Variants in LSAMP observed in about 807,000 individuals in gnomAD.
LSAMP encodes the protein limbic system associated membrane protein, also known as limbic system-associated membrane protein.
A neutral mutation model predicts 38.6 loss-of-function variants in LSAMP; 7 were observed. The observed-to-expected ratio is 0.18, with a 90% confidence interval of 0.10 to 0.34. The LOEUF (loss-of-function observed/expected upper bound fraction) is 0.34. Ranked by LOEUF, LSAMP falls within the 10% of genes least tolerant of loss-of-function variation. The probability of loss-of-function intolerance (pLI) is 1.00; values close to 1 mark genes in which losing one functional copy is unlikely to be tolerated. For synonymous variants in LSAMP, 154 were observed against 166.8 expected (o/e 0.92, Z 0.59); for missense variants, 313 against 420.0 (o/e 0.75, Z 2.23).
rs10530643 is a variant in LSAMP at position 116,273,707 on chromosome 3, TAC to T, written c.155+171168_155+171169del. On this transcript the variant is annotated intron_variant, in intron 1 of 6. Coordinates refer to ENST00000490035, the MANE Select transcript of LSAMP (RefSeq NM_002338.5). The stretch of plus-strand genomic sequence containing the variant: ...GCATATATATATATATATATATATA[TAC>T]ACACACACACACACGTATATATGTA... Among the ~76,000 whole-genome samples, 58 of 102,568 alleles carry T rather than the reference TAC, an allele frequency of 5.7e-4. 1 individual carries two copies. The highest frequency in any genetic ancestry group is 1.7e-3 in the African/African-American group (36 of 21,238). 67.3% of individuals were successfully genotyped at this position (102,568 alleles called of 152,430 possible).
At chr3:116,324,717 A>C (rs2047747058) in intron 1 of LSAMP, among the ~76,000 whole-genome samples, 2 of 152,172 alleles carry the variant, frequency 1.3e-5, no homozygotes, top group South Asian at 4.1e-4. Context: ...CTCATGAGCT[A>C]AGAGGAATTA....
intron 1 of LSAMP, among the ~76,000 whole-genome samples, chr3:116,392,685 C>A (rs1469886407): frequency 6.6e-6 from 1 of 152,194 alleles, no homozygotes; most frequent in Non-Finnish European, 1.5e-5. Flanking sequence ...GCTGGGCTGC[C>A]AGTCCCATGG....
At chr3:116,338,848 C>G (rs902571760) in intron 1 of LSAMP, among the ~76,000 whole-genome samples, 1 of 152,036 alleles carries the variant, frequency 6.6e-6, no homozygotes, top group Non-Finnish European at 1.5e-5. Flanking sequence ...GGTGGCACTT[C>G]TGTGAATACA....
intron 1 of LSAMP, among the ~76,000 whole-genome samples, chr3:116,251,350 TAG>T (rs1432527657): frequency 3.3e-5 from 5 of 152,274 alleles, no homozygotes; most frequent in African/African-American, 1.2e-4. Flanking sequence ...AGGCCATGGT[TAG>T]TACAAAAGGT....
In LSAMP at chr3:115,803,459, C is replaced by G. The variant is rs1933562768; in HGVS notation, c.*6858G>C. 6.6e-6 allele frequency: 1 copy of G among 152,220 alleles called. No homozygotes were observed. The highest frequency in any genetic ancestry group is 1.9e-4 in the East Asian group (1 of 5,194). 9.4% of individuals were successfully genotyped at this position (152,220 alleles called of 1,614,324 possible). A position where few individuals can be genotyped will look rare whatever the true frequency, so the allele number is the denominator to read the frequency against. ...GGATCTGTGCTCAATGCATCTAGAA[C>G]ATGGCACAAGAAAATAATTCCTTAT... is the stretch of plus-strand genomic sequence containing the variant. On this transcript the variant is annotated 3_prime_UTR_variant, in exon 7 of 7. Coordinates refer to ENST00000490035, the MANE Select transcript of LSAMP (RefSeq NM_002338.5).
At chr3:115,900,226 C>T (rs1400146800) in intron 3 of LSAMP, among the ~76,000 whole-genome samples, 13 of 152,052 alleles carry the variant, frequency 8.5e-5, no homozygotes, top group Non-Finnish European at 5.9e-5. Flanking sequence ...GTTTAAATTG[C>T]TATTTCAGCT....
intron 1 of LSAMP, among the ~76,000 whole-genome samples, chr3:116,187,434 GA>G (rs567863106): frequency 9.2e-5 from 14 of 151,706 alleles, no homozygotes; most frequent in African/African-American, 1.7e-4. Flanking sequence ...AAAAAGAAAA[GA>G]AAAAAAATGC....
chr3:116,175,757 A>C (rs1710323779), intron 1 of LSAMP, among the ~76,000 whole-genome samples: 2 of 152,034 alleles, frequency 1.3e-5, no homozygotes, highest in South Asian at 4.1e-4. Context: ...ATATGGGTAT[A>C]AGTAGATATA....
At chr3:116,260,065 T>G (rs2046804712) in intron 1 of LSAMP, among the ~76,000 whole-genome samples, 1 of 152,190 alleles carries the variant, frequency 6.6e-6, no homozygotes, top group Non-Finnish European at 1.5e-5. Flanking sequence ...TTCCAAGATT[T>G]GGTATTTGCC....
At position 116,019,542 on chromosome 3, in the gene LSAMP, T is replaced by C; in HGVS notation, c.487A>G (p.Ile163Val). The change falls in exon 3 of 7, where the codon ATC becomes GTC. Residue 163 changes from isoleucine (I) to valine (V), a missense_variant. Ile to Val is a conservative substitution (Grantham distance 29). Coordinates refer to ENST00000490035, the MANE Select transcript of LSAMP (RefSeq NM_002338.5). ...GTTGGTGTAAGGTGTCTCCAGGTGA[T>C]AACAGGTTCAGGACGGCCATTGGCC... ...CMANGRPEPV[I>V]TWRHLTPTGR... 4.3e-6 allele frequency: 7 copies of C among 1,612,698 alleles called. No homozygotes were observed. Among genetic ancestry groups the C allele is most frequent in the Non-Finnish European group, 5.9e-6 (7 of 1,178,984 alleles).
chr3:115,858,318 G>A (rs893318681), intron 3 of LSAMP, among the ~76,000 whole-genome samples: 2 of 152,024 alleles, frequency 1.3e-5, no homozygotes, highest in African/African-American at 2.4e-5. Context: ...ATGACAACCA[G>A]CCCCATATTT....
At chr3:116,159,193 G>A (rs549648626) in intron 1 of LSAMP, among the ~76,000 whole-genome samples, 77 of 152,166 alleles carry the variant, frequency 5.1e-4, no homozygotes, top group Non-Finnish European at 9.3e-4. Flanking sequence ...GACATAGGAC[G>A]TTGCAAAGAT....
chr3:115,871,937 AAG>A (rs542687113), intron 3 of LSAMP, among the ~76,000 whole-genome samples: 8 of 152,254 alleles, frequency 5.3e-5, no homozygotes, highest in African/African-American at 1.7e-4. Context: ...GGAAAGAAGA[AAG>A]AGTTGCAAAC....
At chr3:115,960,831 AT>A (rs953752081) in intron 3 of LSAMP, among the ~76,000 whole-genome samples, 1 of 152,162 alleles carries the variant, frequency 6.6e-6, no homozygotes, top group African/African-American at 2.4e-5. Context: ...AAAATCGTTA[AT>A]TTTTTTCCCC....
intron 1 of LSAMP, among the ~76,000 whole-genome samples, chr3:116,346,576 G>A (rs571434092): frequency 3.3e-5 from 5 of 152,172 alleles, no homozygotes; most frequent in South Asian, 2.1e-4. Flanking sequence ...CAATCTGCCC[G>A]TCTTGGCCTC....
In LSAMP at chr3:116,249,446, C is replaced by T. The variant is rs562719260; in HGVS notation, c.156-162890G>A. On this transcript the variant is annotated intron_variant, in intron 1 of 6. Coordinates refer to ENST00000490035, the MANE Select transcript of LSAMP (RefSeq NM_002338.5). ...TGTCATCCAGACTGGAGTGCAGTGG[C>T]GCAATCTCAGCTCGCTACAACCTCT... 8.6e-5 allele frequency among the ~76,000 whole-genome samples: 13 copies of T among 151,394 alleles called. No homozygotes were observed. The South Asian group carries it at 1.3e-3, about 15-fold the overall frequency.
At chr3:116,074,916 T>A (rs979490812) in intron 2 of LSAMP, among the ~76,000 whole-genome samples, 2 of 146,928 alleles carry the variant, frequency 1.4e-5, no homozygotes, top group African/African-American at 5.1e-5. Context: ...CGATCTCGGC[T>A]CACCGCAACC....
chr3:116,284,128 T>C (rs1209600929), intron 1 of LSAMP, among the ~76,000 whole-genome samples: 2 of 152,156 alleles, frequency 1.3e-5, no homozygotes, highest in Non-Finnish European at 2.9e-5. Flanking sequence ...AATATTTTCA[T>C]AGTTTATGAC....
chr3:116,057,932 T>TACACACACACACAC (rs535645480), intron 2 of LSAMP, among the ~76,000 whole-genome samples: 1 of 136,660 alleles, frequency 7.3e-6, no homozygotes, highest in Non-Finnish European at 1.6e-5. Flanking sequence ...ATATAGTAGC[T>TACACACACACACAC]ACACACACAC....
Sources: allele counts gnomAD v4.1 joint callset (sites outside exome capture counted in the v4.1 genomes callset), GRCh38; gene constraint gnomAD v4.1.1; transcripts MANE v1.5; gene names NCBI Gene and HGNC (gene_info 2026-07-23, HGNC 2026-07-21).